Variants in TMEM131L observed in about 807,000 individuals in gnomAD.
TMEM131L encodes transmembrane 131 like.
In TMEM131L, 54 loss-of-function variants were observed where a neutral mutation model predicts 192.2. The observed-to-expected ratio is 0.28, with a 90% CI of 0.23 to 0.35. The LOEUF is 0.35. Among genes scored for constraint, TMEM131L ranks in the 10% least tolerant of loss-of-function variants. The pLI is 1.00. For missense variants in TMEM131L, 1,888 were observed against 1,972.9 expected, an observed-to-expected ratio of 0.96 and a Z score of 0.82; for synonymous variants, 701 against 704.9, an observed-to-expected ratio of 0.99 and a Z score of 0.09.
chr4:153,543,612 A>G (rs1736958441), intron 3 of TMEM131L, among the ~76,000 whole-genome samples: 1 of 152,188 alleles, frequency 6.6e-6, no homozygotes, highest in Non-Finnish European at 1.5e-5. Flanking sequence ...GGGACTTTTT[A>G]TATCTGTGCA....
chr4:153,496,349 C>T (rs924338344), intron 3 of TMEM131L, among the ~76,000 whole-genome samples: 5 of 152,094 alleles, frequency 3.3e-5, no homozygotes, highest in African/African-American at 4.8e-5. Context: ...GCATCGAAAA[C>T]GGGGAGGCCC....
chr4:153,608,244 T>G (rs1732375981), intron 25 of TMEM131L, among the ~76,000 whole-genome samples: 1 of 152,252 alleles, frequency 6.6e-6, no homozygotes, highest in Non-Finnish European at 1.5e-5. Context: ...AAATAAAGTC[T>G]GCTGACATTC....
At chr4:153,566,200 A>G (rs1578758385) in intron 7 of TMEM131L, among the ~76,000 whole-genome samples, 4 of 151,890 alleles carry the variant, frequency 2.6e-5, no homozygotes. Flanking sequence ...CAGTGGCGCA[A>G]TCTCGGCTCA....
At chr4:153,595,546 G>C (rs1355893344) in intron 19 of TMEM131L, among the ~76,000 whole-genome samples, 1 of 152,006 alleles carries the variant, frequency 6.6e-6, no homozygotes, top group Non-Finnish European at 1.5e-5. Flanking sequence ...TAAAAACAAA[G>C]AGAAATAATA....
rs1285116672 is a variant in TMEM131L at position 153,520,252 on chromosome 4, T to G, written c.240-29821T>G. Among the ~76,000 whole-genome samples, 4 of 151,918 alleles carry G rather than the reference T, an allele frequency of 2.6e-5. No individual in the cohort carries two copies. In the East Asian group the frequency reaches 7.7e-4, roughly 29 times the overall value. On this transcript the variant is annotated intron_variant, in intron 3 of 34. Coordinates refer to ENST00000409959, the MANE Select transcript of TMEM131L (RefSeq NM_001131007.2). ...AGAGGATTGCTTGAGCCCAGGAGTT[T>G]GAGACCAGCCTAGGCAACATAGGGA... is the stretch of plus-strand genomic sequence containing the variant.
chr4:153,622,397 G>A (rs1733493070), intron 28 of TMEM131L, among the ~76,000 whole-genome samples: 1 of 152,184 alleles, frequency 6.6e-6, no homozygotes. Flanking sequence ...CATGCCCCAT[G>A]TCCCGACACA....
At chr4:153,604,998 TG>T (rs1365879838) in intron 25 of TMEM131L, among the ~76,000 whole-genome samples, 8 of 152,180 alleles carry the variant, frequency 5.3e-5, no homozygotes, top group African/African-American at 1.9e-4. Context: ...CCACCGAACC[TG>T]GCCTAAATTA....
Position 153,636,406 on chromosome 4 carries a change from A to AC in TMEM131L, c.4665dup (p.Thr1556HisfsTer39). Reference sequence around the variant, plus strand: ...TGAAAATTGCTGCCCCATCAACCCCACCACGGAACATTCGACCCACATGGA... The same window carrying AC: ...TGAAAATTGCTGCCCCATCAACCCCACCCACGGAACATTCGACCCACATGGA... On this transcript the variant is annotated frameshift_variant, in exon 35 of 35. Transcript: ENST00000409959. LOFTEE classifies it high-confidence loss of function. 1 of 1,614,080 alleles carries AC rather than the reference A, an allele frequency of 6.2e-7. No individual in the cohort carries two copies. The highest frequency in any genetic ancestry group is 8.5e-7 in the Non-Finnish European group (1 of 1,180,006).
rs763798817 is a variant in TMEM131L, at chr4:153,556,057, AT to A, written c.432+150del. 2,284 of 390,892 alleles carry A rather than the reference AT, an allele frequency of 5.8e-3. 6 individuals are homozygous for A. Among genetic ancestry groups the A allele is most frequent in the Non-Finnish European group, 6.9e-3 (2,123 of 309,220 alleles). 24.2% of individuals were successfully genotyped at this position (390,892 alleles called of 1,614,324 possible). A position where few individuals can be genotyped will look rare whatever the true frequency, so the allele number is the denominator to read the frequency against. ...TTTCCTTCTGTGTGTTTACCTTAGC[AT>A]TTACTTTTCCAGTTGCTCATTTTTA... is the stretch of plus-strand genomic sequence containing the variant. On this transcript the variant is annotated intron_variant, in intron 5 of 34. Coordinates refer to ENST00000409959, the MANE Select transcript of TMEM131L (RefSeq NM_001131007.2).
At position 153,583,640 on chromosome 4, in the gene TMEM131L, A is replaced by G. The variant is rs764804752; in HGVS notation, c.1028A>G (p.Asn343Ser). ...GTACTACTACCTACTTCTACAACAA[A>G]CTTTACAAAAATTGCTTCTTTTACC... is the stretch of plus-strand genomic sequence containing the variant. ...EPVLLPTSTT[N>S]FTKIASFTCK... Residue 343 changes from asparagine to serine, a missense_variant, in exon 11 of 35, where the codon AAC becomes AGC. Coordinates refer to ENST00000409959, the MANE Select transcript of TMEM131L (RefSeq NM_001131007.2). 28 of 1,606,576 alleles carry G rather than the reference A, an allele frequency of 1.7e-5. No individual in the cohort carries two copies. The highest frequency in any genetic ancestry group is 2.2e-5 in the Non-Finnish European group (26 of 1,177,234).
At chr4:153,537,830 C>T (rs1289559941) in intron 3 of TMEM131L, among the ~76,000 whole-genome samples, 3 of 152,154 alleles carry the variant, frequency 2.0e-5, no homozygotes, top group Non-Finnish European at 4.4e-5. Context: ...GGTTCAAAAG[C>T]CTCTGACAAA....
chr4:153,602,032 T>C, intron 21 of TMEM131L, 120 bp from the exon 22 acceptor site: 2 of 576,718 alleles, frequency 3.5e-6, no homozygotes, highest in Non-Finnish European at 5.7e-6. Context: ...TTGGATTTTT[T>C]TCGCATTTTA....
intron 25 of TMEM131L, among the ~76,000 whole-genome samples, chr4:153,609,505 G>T (rs187691642): frequency 6.6e-6 from 1 of 152,090 alleles, no homozygotes; most frequent in African/African-American, 2.4e-5. Context: ...TGTAAATGAC[G>T]TATGTGTTTG....
chr4:153,489,418 G>A (rs62324703), intron 3 of TMEM131L, among the ~76,000 whole-genome samples: 8,617 of 152,234 alleles, frequency 0.057, 582 homozygotes, highest in East Asian at 0.23. Flanking sequence ...ATTTCTTTGT[G>A]TATCTGTAGG....
Position 153,586,287 on chromosome 4 carries a change from A to C in TMEM131L, c.1390A>C (p.Ile464Leu), listed in dbSNP as rs766674848. ...IFSLKLAVKD[I>L]AINLFTNVFL... ...TTCTTTGAAACTTGCTGTTAAAGACATTGCCATAAATCTATTCACCAATGT... is the reference window on the plus strand; with the variant it reads ...TTCTTTGAAACTTGCTGTTAAAGACCTTGCCATAAATCTATTCACCAATGT... Residue 464 changes from isoleucine to leucine, a missense_variant, in exon 14 of 35, where the codon ATT becomes CTT. Coordinates refer to ENST00000409959, the MANE Select transcript of TMEM131L (RefSeq NM_001131007.2). The C allele has an allele frequency of 3.7e-6, 6 of 1,604,706 alleles. No homozygotes were observed. The highest frequency in any genetic ancestry group is 5.1e-6 in the Non-Finnish European group (6 of 1,176,640).
intron 1 of TMEM131L, among the ~76,000 whole-genome samples, chr4:153,466,931 G>A (rs1046984957): frequency 6.6e-6 from 1 of 152,174 alleles, no homozygotes; most frequent in African/African-American, 2.4e-5. Context: ...AGCCCGGAGT[G>A]CCTCGTGGGG....
chr4:153,507,516 C>T lies in TMEM131L; in HGVS notation c.239+33628C>T, dbSNP rs77422520. On this transcript the variant is annotated intron_variant, in intron 3 of 34. Transcript: ENST00000409959. ...TATGGCTTCCAAGAGTCTGGAACAT[C>T]GTGTTCACATTTGTATTATTCTCCA... Among the ~76,000 whole-genome samples, 395 of 152,264 alleles carry T rather than the reference C, an allele frequency of 2.6e-3. 2 individuals are homozygous for T. Among genetic ancestry groups the T allele is most frequent in the African/African-American group, 9.0e-3 (372 of 41,534 alleles).
chr4:153,581,661 T>C (rs1188182483), intron 9 of TMEM131L, 101 bp downstream of exon 9: 1 of 721,552 alleles, frequency 1.4e-6, no homozygotes, highest in Non-Finnish European at 2.0e-6. Context: ...CCAAGACAAA[T>C]AGCCTTTGCT....
intron 26 of TMEM131L, among the ~76,000 whole-genome samples, chr4:153,614,058 A>G (rs1732806872): frequency 1.3e-5 from 2 of 152,188 alleles, no homozygotes; most frequent in Non-Finnish European, 2.9e-5. Context: ...AAGCTCCCAG[A>G]GGAGGTGGAA....
Sources: gnomAD v4.1 joint callset for allele counts (sites outside exome capture counted in the v4.1 genomes callset) on GRCh38, gnomAD v4.1.1 for gene constraint, MANE v1.5 for transcripts, NCBI Gene and HGNC (gene_info 2026-07-23, HGNC 2026-07-21) for gene names.